MEMO1: variants seen among roughly 807,000 people sequenced by gnomAD.
The protein encoded by MEMO1 is protein MEMO1.
A neutral mutation model predicts 45.2 loss-of-function variants in MEMO1; 6 were observed. The observed-to-expected ratio is 0.13, with a 90% confidence interval of 0.07 to 0.26. The LOEUF (loss-of-function observed/expected upper bound fraction) is 0.26. MEMO1 is among the 10% of genes least tolerant of loss of function. MEMO1 has a pLI of 1.00. For missense variants in MEMO1, 184 were observed against 370.5 expected, an observed-to-expected ratio of 0.50 and a Z score of 4.13; for synonymous variants, 78 against 124.3, an observed-to-expected ratio of 0.63 and a Z score of 2.48.
At chr2:31,876,511 A>G (rs1674584364) in intron 8 of MEMO1, among the ~76,000 whole-genome samples, 1 of 152,196 alleles carries the variant, frequency 6.6e-6, no homozygotes, top group Admixed American at 6.5e-5. Flanking sequence ...TTATGACAGC[A>G]AGAACCATGT....
chr2:31,955,350 A>C (rs1415101717), intron 2 of MEMO1, among the ~76,000 whole-genome samples: 2 of 152,212 alleles, frequency 1.3e-5, no homozygotes, highest in African/African-American at 2.4e-5. Context: ...TATAATCTAT[A>C]AATTAGCAAT....
intron 9 of MEMO1, among the ~76,000 whole-genome samples, 179 bp downstream of exon 9, chr2:31,869,669 T>C (rs1157955285): frequency 1.3e-5 from 2 of 152,014 alleles, no homozygotes; most frequent in Non-Finnish European, 2.9e-5. Flanking sequence ...TGTATTCCAA[T>C]GATAAATAAC....
At chr2:31,933,348 A>ATTATATATATATATATATATAT (rs869203385) in intron 3 of MEMO1, among the ~76,000 whole-genome samples, 1 of 16,186 alleles carries the variant, frequency 6.2e-5, no homozygotes, top group Admixed American at 1.3e-3. Flanking sequence ...AAAAAAAAAA[A>ATTATATATATATATATATATAT]ATTTATATAT....
chr2:31,909,803 C>T (rs1248754151), intron 6 of MEMO1, among the ~76,000 whole-genome samples: 1 of 151,878 alleles, frequency 6.6e-6, no homozygotes, highest in African/African-American at 2.4e-5. Flanking sequence ...ATGGGAATAG[C>T]AGAAGGAGAG....
intron 4 of MEMO1, among the ~76,000 whole-genome samples, chr2:31,931,654 A>C: frequency 6.6e-6 from 1 of 152,158 alleles, no homozygotes; most frequent in East Asian, 1.9e-4. Context: ...AAATATTTCA[A>C]ATACCTTATC....
At chr2:31,876,165 T>C (rs1674532910) in intron 8 of MEMO1, among the ~76,000 whole-genome samples, 1 of 152,214 alleles carries the variant, frequency 6.6e-6, no homozygotes, top group Non-Finnish European at 1.5e-5. Context: ...ACCACTCTTC[T>C]TACTCTTACA....
intron 2 of MEMO1, among the ~76,000 whole-genome samples, chr2:31,956,344 A>G (rs969074973): frequency 2.6e-5 from 4 of 152,188 alleles, no homozygotes; most frequent in Non-Finnish European, 4.4e-5. Context: ...TTCTTTGAAA[A>G]AAAAAAAAAG....
chr2:31,887,886 A>G (rs1676421910), intron 7 of MEMO1, among the ~76,000 whole-genome samples: 1 of 152,162 alleles, frequency 6.6e-6, no homozygotes, highest in Non-Finnish European at 1.5e-5. Flanking sequence ...AAGAGTATGC[A>G]TGAATAATCA....
chr2:31,871,780 G>A (rs769453112), intron 8 of MEMO1, among the ~76,000 whole-genome samples: 3 of 152,176 alleles, frequency 2.0e-5, no homozygotes, highest in South Asian at 2.1e-4. Context: ...TTGGGAGGCC[G>A]AGGCAGGTGG....
chr2:31,996,221 A>C (rs1161944778), intron 2 of MEMO1, among the ~76,000 whole-genome samples: 1 of 150,216 alleles, frequency 6.7e-6, no homozygotes, highest in Admixed American at 6.7e-5. Flanking sequence ...AGAGAGAGAA[A>C]GAGAGAGAGA....
At chr2:31,879,473 C>G (rs1675035577) in intron 8 of MEMO1, among the ~76,000 whole-genome samples, 1 of 152,158 alleles carries the variant, frequency 6.6e-6, no homozygotes, top group Non-Finnish European at 1.5e-5. Flanking sequence ...CCATCCACTC[C>G]TCATACACCA....
intron 8 of MEMO1, among the ~76,000 whole-genome samples, chr2:31,871,779 C>T (rs985640538): frequency 3.9e-5 from 6 of 151,980 alleles, no homozygotes; most frequent in Non-Finnish European, 7.4e-5. Context: ...TTTGGGAGGC[C>T]GAGGCAGGTG....
At chr2:31,891,950 G>C in intron 7 of MEMO1, 42 bp downstream of exon 7, 1 of 1,560,072 alleles carries the variant, frequency 6.4e-7, no homozygotes, top group Non-Finnish European at 8.7e-7. Context: ...TTAACCAGAA[G>C]TATATAACAT....
intron 2 of MEMO1, among the ~76,000 whole-genome samples, chr2:31,988,520 T>C (rs1314032500): frequency 6.6e-6 from 1 of 152,114 alleles, no homozygotes; most frequent in Admixed American, 6.5e-5. Flanking sequence ...CACTCCAGCC[T>C]GGGCGACAAA....
At chr2:31,945,853 T>A (rs143574235) in intron 2 of MEMO1, among the ~76,000 whole-genome samples, 1 of 152,206 alleles carries the variant, frequency 6.6e-6, no homozygotes, top group African/African-American at 2.4e-5. Context: ...ACCAAGTGAA[T>A]TTAGGACAAA....
At chr2:31,994,184 C>T (rs1345929516) in intron 2 of MEMO1, among the ~76,000 whole-genome samples, 1 of 149,374 alleles carries the variant, frequency 6.7e-6, no homozygotes, top group Non-Finnish European at 1.5e-5. Flanking sequence ...TGGTCTCGAA[C>T]TCCCAACCTC....
chr2:31,971,610 A>C (rs1349928821), intron 2 of MEMO1, among the ~76,000 whole-genome samples: 1 of 152,072 alleles, frequency 6.6e-6, no homozygotes, highest in Admixed American at 6.6e-5. Flanking sequence ...TCCTAGGCTC[A>C]AAAAAACCTT....
intron 2 of MEMO1, among the ~76,000 whole-genome samples, chr2:31,953,824 T>C (rs1028532794): frequency 6.6e-6 from 1 of 152,182 alleles, no homozygotes; most frequent in Non-Finnish European, 1.5e-5. Context: ...AAATGATGCA[T>C]GACAAGGCCT....
chr2:31,936,435 C>G (rs2148283772), intron 3 of MEMO1, among the ~76,000 whole-genome samples: 1 of 152,272 alleles, frequency 6.6e-6, no homozygotes, highest in East Asian at 1.9e-4. Flanking sequence ...AAAAATTGAT[C>G]CTTCTTTTAA....
Sources: gnomAD v4.1 joint callset for allele counts (sites outside exome capture counted in the v4.1 genomes callset) on GRCh38, gnomAD v4.1.1 for gene constraint, MANE v1.5 for transcripts, NCBI Gene and HGNC (gene_info 2026-07-23, HGNC 2026-07-21) for gene names.